Variants in PKP4 observed in about 807,000 individuals in gnomAD.
PKP4 encodes the protein plakophilin 4, also known as plakophilin-4.
In PKP4, 90 loss-of-function variants were observed where a neutral mutation model predicts 145.1. The observed-to-expected ratio is 0.62, with a 90% CI of 0.52 to 0.74. The LOEUF is 0.74. PKP4 is among the 30% of genes least tolerant of loss of function. The pLI is 0.00. For missense variants in PKP4, 1,340 were observed against 1,482.7 expected (o/e 0.90, Z 1.58); for synonymous variants, 563 against 577.2 (o/e 0.98, Z 0.35).
intron 3 of PKP4, among the ~76,000 whole-genome samples, chr2:158,600,653 T>C (rs1418697963): frequency 2.0e-5 from 3 of 152,212 alleles, no homozygotes; most frequent in Admixed American, 2.0e-4. Context: ...GAGAGTCATT[T>C]GAAGTGAGTA....
chr2:158,547,166 T>C (rs1452318362), intron 2 of PKP4, among the ~76,000 whole-genome samples: 1 of 152,128 alleles, frequency 6.6e-6, no homozygotes, highest in Non-Finnish European at 1.5e-5. Context: ...GCCCAGCAGT[T>C]CTCCTGGGTC....
chr2:158,570,546 A>C (rs2047335005), intron 2 of PKP4, among the ~76,000 whole-genome samples: 1 of 152,226 alleles, frequency 6.6e-6, no homozygotes, highest in South Asian at 2.1e-4. Flanking sequence ...TTGAAATAAA[A>C]ATGCTTGCTT....
intron 15 of PKP4, 112 bp from the exon 16 acceptor site, chr2:158,666,301 G>T: frequency 1.0e-6 from 1 of 970,388 alleles, no homozygotes; most frequent in Non-Finnish European, 1.4e-6. Flanking sequence ...CAATTGGAAA[G>T]AAACCATTTA....
intron 1 of PKP4, among the ~76,000 whole-genome samples, chr2:158,519,364 C>T (rs2042169511): frequency 6.6e-6 from 1 of 152,116 alleles, no homozygotes; most frequent in Non-Finnish European, 1.5e-5. Flanking sequence ...TTACTTTCTT[C>T]TGTTTGGGGA....
chr2:158,544,645 A>G (rs1363994592), intron 2 of PKP4, among the ~76,000 whole-genome samples: 1 of 152,180 alleles, frequency 6.6e-6, no homozygotes, highest in Non-Finnish European at 1.5e-5. Context: ...TGAATATGGT[A>G]TGAATTGAAC....
chr2:158,465,007 A>G (rs1690377186), intron 1 of PKP4, among the ~76,000 whole-genome samples: 1 of 152,202 alleles, frequency 6.6e-6, no homozygotes, highest in Non-Finnish European at 1.5e-5. Context: ...ACTCCATATC[A>G]GACTGATAGG....
At chr2:158,557,527 C>T (rs1011439948) in intron 2 of PKP4, among the ~76,000 whole-genome samples, 2 of 152,146 alleles carry the variant, frequency 1.3e-5, no homozygotes, top group Admixed American at 1.3e-4. Context: ...CAGCTAAGTA[C>T]ATGCTATTTT....
chr2:158,471,854 A>G (rs1691622513), intron 1 of PKP4, among the ~76,000 whole-genome samples: 4 of 152,232 alleles, frequency 2.6e-5, no homozygotes, highest in Admixed American at 1.3e-4. Flanking sequence ...GATTATTGAA[A>G]AATTAAACAT....
rs771586843 is a variant in PKP4 at position 158,676,857 on chromosome 2, CCTGTA to C, written c.3248_3252del (p.Leu1083ProfsTer23). ...GCCAAGGGGATGCCACACATAAAGG[CCTGTA>C]CCCTGGTAAGACGCCAGTTGGGTGT... is the stretch of plus-strand genomic sequence containing the variant. On this transcript the variant is annotated frameshift_variant, in exon 20 of 22. Coordinates refer to ENST00000389759, the MANE Select transcript of PKP4 (RefSeq NM_003628.6). LOFTEE classifies it high-confidence loss of function. 1 of 1,614,090 alleles carries C rather than the reference CCTGTA, an allele frequency of 6.2e-7. No homozygotes were observed.
chr2:158,527,250 A>G lies in PKP4; in HGVS notation c.-5-5930A>G, dbSNP rs1283612737. On this transcript the variant is annotated intron_variant, in intron 1 of 21. Coordinates refer to ENST00000389759, the MANE Select transcript of PKP4 (RefSeq NM_003628.6). ...ACTTCAAACTATACTACAAGGCTACAGTAACCCAAACAGCATGGTACTGGT... is the reference window on the plus strand; with the variant it reads ...ACTTCAAACTATACTACAAGGCTACGGTAACCCAAACAGCATGGTACTGGT... Among the ~76,000 whole-genome samples, 130 of 146,140 alleles carry G rather than the reference A, an allele frequency of 8.9e-4. 2 individuals are homozygous for G. The East Asian group carries it at 0.025, about 28-fold the overall frequency.
chr2:158,511,625 T>G (rs893855127), intron 1 of PKP4, among the ~76,000 whole-genome samples: 1 of 152,182 alleles, frequency 6.6e-6, no homozygotes, highest in East Asian at 1.9e-4. Flanking sequence ...CTGACTTAAT[T>G]TCCTTCTAGA....
chr2:158,667,998 A>G (rs1204381249), intron 16 of PKP4, among the ~76,000 whole-genome samples: 1 of 152,230 alleles, frequency 6.6e-6, no homozygotes, highest in African/African-American at 2.4e-5. Flanking sequence ...ATATTTCACA[A>G]CGCAAAGACA....
rs1057349101 is a variant in PKP4 at position 158,554,448 on chromosome 2, C to T, written c.132+21132C>T. 1.2e-3 allele frequency among the ~76,000 whole-genome samples: 159 copies of T among 136,732 alleles called. 1 individual carries two copies. The highest frequency in any genetic ancestry group is 3.6e-3 in the African/African-American group (131 of 36,804). The allele number at this position is 136,732 out of a possible 152,430, so 89.7% of individuals were successfully genotyped here. On this transcript the variant is annotated intron_variant, in intron 2 of 21. Coordinates refer to ENST00000389759, the MANE Select transcript of PKP4 (RefSeq NM_003628.6). ...ATTATTATTTTTTTTTTTTTTGAGA[C>T]GGAGTCTAGCTCTGTTGCCCAGGCT...
chr2:158,658,512 G>A (rs558239782), intron 12 of PKP4, 198 bp downstream of exon 12: 13 of 479,238 alleles, frequency 2.7e-5, no homozygotes, highest in Non-Finnish European at 3.6e-6. Context: ...AAGTTATCTT[G>A]TAAATGACTC....
Position 158,601,033 on chromosome 2 carries a change from C to T in PKP4, c.246-2037C>T, listed in dbSNP as rs540314947. On this transcript the variant is annotated intron_variant, in intron 3 of 21. Coordinates refer to ENST00000389759, the MANE Select transcript of PKP4 (RefSeq NM_003628.6). ...GTTGACCTGCTTATACTAGGTAATA[C>T]CTGGTAATTTGTATAATCTGACCTT... 3.9e-5 allele frequency among the ~76,000 whole-genome samples: 6 copies of T among 152,202 alleles called. No individual in the cohort carries two copies. The South Asian group carries it at 1.2e-3, about 32-fold the overall frequency.
chr2:158,533,717 T>C (rs2043789575), intron 2 of PKP4, among the ~76,000 whole-genome samples: 1 of 152,234 alleles, frequency 6.6e-6, no homozygotes, highest in African/African-American at 2.4e-5. Context: ...GTATATAGGA[T>C]TGTCTCTGTG....
At chr2:158,485,494 T>C (rs1391161522) in intron 1 of PKP4, among the ~76,000 whole-genome samples, 1 of 152,188 alleles carries the variant, frequency 6.6e-6, no homozygotes, top group East Asian at 1.9e-4. Context: ...ATTTGTCGAA[T>C]TATTTGAAGC....
At chr2:158,624,632 A>C (rs2052574146) in intron 6 of PKP4, among the ~76,000 whole-genome samples, 1 of 151,444 alleles carries the variant, frequency 6.6e-6, no homozygotes, top group African/African-American at 2.4e-5. Flanking sequence ...ATGTCTTCAG[A>C]TCTCTTTTTA....
intron 2 of PKP4, among the ~76,000 whole-genome samples, chr2:158,571,071 G>C (rs370288936): frequency 4.9e-4 from 75 of 152,240 alleles, no homozygotes; most frequent in African/African-American, 1.7e-3. Flanking sequence ...GTGTGAATGT[G>C]GGGGCAGGAG....
Sources: gnomAD v4.1 joint callset for allele counts (sites outside exome capture counted in the v4.1 genomes callset) on GRCh38, gnomAD v4.1.1 for gene constraint, MANE v1.5 for transcripts, NCBI Gene and HGNC (gene_info 2026-07-23, HGNC 2026-07-21) for gene names.